Variants in CEP131 observed in about 807,000 individuals in gnomAD.
The protein encoded by CEP131 is centrosomal protein of 131 kDa.
CEP131 carries 99 observed loss-of-function variants against 136.8 expected under a neutral mutation model. The observed-to-expected ratio is 0.72, with a 90% confidence interval of 0.62 to 0.86. The LOEUF is 0.86. CEP131 is among the 40% of genes least tolerant of loss of function. CEP131 has a pLI of 0.00. For synonymous variants in CEP131, 646 were observed against 612.7 expected, an observed-to-expected ratio of 1.05 and a Z score of -0.80; for missense variants, 1,459 against 1,463.0, an observed-to-expected ratio of 1.00 and a Z score of 0.04.
At chr17:81,205,046 G>T (rs2061973537) in intron 5 of CEP131, among the ~76,000 whole-genome samples, 1 of 152,036 alleles carries the variant, frequency 6.6e-6, no homozygotes, top group Non-Finnish European at 1.5e-5. Flanking sequence ...GGATCACAAG[G>T]TTAGGGGTTC....
rs1020204752 is a variant in CEP131 at position 81,215,505 on chromosome 17, G to A, written c.177+4375C>T. On this transcript the variant is annotated intron_variant, in intron 2 of 25. Transcript: ENST00000450824. The surrounding 1 kb of genome is among the most constrained non-coding windows in gnomAD (Gnocchi z 4.1). ...TGGCTCACTGCAACCTCCAGCTTCC[G>A]GGTTAAATCAGTTCTCCTGCCTTAG... Among the ~76,000 whole-genome samples the A allele has an allele frequency of 1.1e-4, 17 of 152,016 alleles. No individual in the cohort carries two copies. Among genetic ancestry groups the A allele is most frequent in the African/African-American group, 3.1e-4 (13 of 41,386 alleles).
chr17:81,199,577 T>C (rs375788205), intron 9 of CEP131, 28 bp from the exon 10 acceptor site: 101 of 1,596,930 alleles, frequency 6.3e-5, no homozygotes, highest in Middle Eastern at 3.8e-4. Context: ...CTGAGCACTG[T>C]CCCTGGGAGA....
chr17:81,194,138 G>A lies in CEP131; in HGVS notation c.2120-11C>T. On this transcript the variant is annotated splice_polypyrimidine_tract_variant and intron_variant, in intron 17 of 25. Transcript: ENST00000450824. ...TCTCGGGCTCCAGACCTGGGGGCGGGGCACCAGCTAGGGCCACGTCCAGCT... is the reference window on the plus strand; with the variant it reads ...TCTCGGGCTCCAGACCTGGGGGCGGAGCACCAGCTAGGGCCACGTCCAGCT... The A allele has an allele frequency of 2.0e-6, 3 of 1,509,850 alleles. No individual in the cohort carries two copies. Among genetic ancestry groups the A allele is most frequent in the Non-Finnish European group, 2.7e-6 (3 of 1,130,262 alleles). The allele number at this position is 1,509,850 out of a possible 1,614,324, so 93.5% of individuals were successfully genotyped here.
rs1421272060 is a variant in CEP131, at chr17:81,219,318, G to A, written c.177+562C>T. Among the ~76,000 whole-genome samples the A allele has an allele frequency of 1.6e-5, 2 of 122,454 alleles. No homozygotes were observed. The highest frequency in any genetic ancestry group is 3.1e-5 in the African/African-American group (1 of 32,110). The allele number at this position is 122,454 out of a possible 152,430, so 80.3% of individuals were successfully genotyped here. ...TTTCTTTTTTTTTTTTTTTTGAGAT[G>A]GCATCTCACTCTGTCGCCAGGCTGG... On this transcript the variant is annotated intron_variant, in intron 2 of 25. Transcript: ENST00000450824. The surrounding 1 kb of genome is among the most constrained non-coding windows in gnomAD (Gnocchi z 4.0).
At position 81,189,607 on chromosome 17, in the gene CEP131, G is replaced by A. The variant is rs1056020991; in HGVS notation, c.*162C>T. The A allele has an allele frequency of 3.0e-5, 21 of 709,958 alleles. No individual in the cohort carries two copies. The South Asian group carries it at 3.2e-4, about 11-fold the overall frequency. 44.0% of individuals were successfully genotyped at this position (709,958 alleles called of 1,614,324 possible). On this transcript the variant is annotated 3_prime_UTR_variant, in exon 26 of 26. Coordinates refer to ENST00000450824, the MANE Select transcript of CEP131 (RefSeq NM_014984.4). ...AGTCACTCAAGGCGCTGAAAACAAC[G>A]GCCTCCTTTACTGTTAAAATGCAGC...
At chr17:81,199,186 G>A (rs1400781270) in intron 10 of CEP131, among the ~76,000 whole-genome samples, 195 bp downstream of exon 10, 4 of 152,108 alleles carry the variant, frequency 2.6e-5, no homozygotes, top group African/African-American at 4.8e-5. Flanking sequence ...GGATCCCTAC[G>A]TCCAGGACCA....
chr17:81,190,864 G>A, intron 23 of CEP131, 43 bp downstream of exon 23: 2 of 1,593,308 alleles, frequency 1.3e-6, no homozygotes, highest in Non-Finnish European at 1.7e-6. Flanking sequence ...ATGCAGGAGG[G>A]GCCTGTGGGT....
intron 2 of CEP131, among the ~76,000 whole-genome samples, chr17:81,218,095 T>C (rs1251659622): frequency 6.8e-6 from 1 of 147,778 alleles, no homozygotes; most frequent in Non-Finnish European, 1.5e-5. Flanking sequence ...CAGGCTGGAG[T>C]ACAGTGGCAT....
chr17:81,210,531 C>G (rs2062109337), intron 2 of CEP131, among the ~76,000 whole-genome samples: 1 of 151,966 alleles, frequency 6.6e-6, no homozygotes. Flanking sequence ...GATTGGGCCA[C>G]GGCACTCCAG....
chr17:81,202,290 G>A lies in CEP131; in HGVS notation c.738C>T (p.Gly246=). The A allele has an allele frequency of 1.9e-6, 3 of 1,611,992 alleles. No individual in the cohort carries two copies. The South Asian group carries it at 3.3e-5, about 18-fold the overall frequency. ...ATHSARNNTG[G]STGLPRRKEV... ...CCTTCCGCCTGGGCAAGCCCGTGCTGCCCCCAGTATTGTTCCGGGCTGAGT... is the reference window on the plus strand; with the variant it reads ...CCTTCCGCCTGGGCAAGCCCGTGCTACCCCCAGTATTGTTCCGGGCTGAGT... Residue 246 remains glycine (G), a synonymous_variant, in exon 7 of 26, where the codon GGC becomes GGT. Coordinates refer to ENST00000450824, the MANE Select transcript of CEP131 (RefSeq NM_014984.4).
intron 23 of CEP131, 48 bp from the exon 24 acceptor site, chr17:81,190,850 G>C: frequency 6.3e-7 from 1 of 1,591,166 alleles, no homozygotes; most frequent in Non-Finnish European, 8.6e-7. Context: ...GACTGGCTGC[G>C]TGCATGCAGG....
At position 81,219,837 on chromosome 17, in the gene CEP131, C is replaced by T. The variant is rs757863140; in HGVS notation, c.177+43G>A. 4.0e-6 allele frequency: 6 copies of T among 1,506,610 alleles called. No individual in the cohort carries two copies. Among genetic ancestry groups the T allele is most frequent in the Non-Finnish European group, 5.4e-6 (6 of 1,121,266 alleles). The allele number at this position is 1,506,610 out of a possible 1,614,324, so 93.3% of individuals were successfully genotyped here. ...GTCAGATGCCAACTGAACAACAGCC[C>T]TCCAGGAGGCAGGGGCCCGGACTCC... On this transcript the variant is annotated intron_variant, in intron 2 of 25. Coordinates refer to ENST00000450824, the MANE Select transcript of CEP131 (RefSeq NM_014984.4). The surrounding 1 kb of genome is among the most constrained non-coding windows in gnomAD (Gnocchi z 4.0).
chr17:81,213,174 T>C (rs2146700984), intron 2 of CEP131, among the ~76,000 whole-genome samples: 1 of 152,194 alleles, frequency 6.6e-6, no homozygotes, highest in East Asian at 1.9e-4. Flanking sequence ...GCTGTGACAA[T>C]GAGAGCAACA....
intron 16 of CEP131, among the ~76,000 whole-genome samples, chr17:81,195,622 GGCCCC>G (rs1420128835): frequency 1.3e-5 from 2 of 152,162 alleles, no homozygotes; most frequent in Non-Finnish European, 2.9e-5. Context: ...GCAGGCCCAC[GGCCCC>G]GCCCCAGAGC....
At chr17:81,207,574 T>A (rs1016981390) in intron 3 of CEP131, among the ~76,000 whole-genome samples, 1 of 151,258 alleles carries the variant, frequency 6.6e-6, no homozygotes, top group Non-Finnish European at 1.5e-5. Flanking sequence ...GGTCTCGAGC[T>A]CCTGGGCTCA....
chr17:81,191,139 CGCCTCAGCTCGTGG>C (rs2061631548), intron 22 of CEP131, 40 bp downstream of exon 22: 10 of 1,605,242 alleles, frequency 6.2e-6, no homozygotes, highest in Non-Finnish European at 7.7e-6. Flanking sequence ...CGGGTCCTTG[CGCCTCAGCTCGTGG>C]GCCTCCCCAG....
Position 81,192,390 on chromosome 17 carries a change from C to T in CEP131, c.2550G>A (p.Met850Ile). 1.2e-6 allele frequency: 2 copies of T among 1,608,178 alleles called. No homozygotes were observed. Among genetic ancestry groups the T allele is most frequent in the South Asian group, 1.1e-5 (1 of 90,188 alleles). ...GCTGCTGCTTCAGGGTATTCAGCTC[C>T]ATCTGGGGGGCGGACATAAGAGGCC... The part of the protein sequence containing the change: ...GREEQERRHQ[M>I]ELNTLKQQLE... The change falls in exon 21 of 26, where the codon ATG (methionine) becomes ATA (isoleucine). Residue 850 changes from methionine to isoleucine, a missense_variant and splice_region_variant. Transcript: ENST00000450824.
chr17:81,195,624 C>T (rs1228461971), intron 16 of CEP131, among the ~76,000 whole-genome samples: 1 of 152,014 alleles, frequency 6.6e-6, no homozygotes, highest in Admixed American at 6.5e-5. Flanking sequence ...AGGCCCACGG[C>T]CCCGCCCCAG....
intron 18 of CEP131, 75 bp from the exon 19 acceptor site, chr17:81,192,918 GC>G: frequency 1.3e-6 from 2 of 1,525,180 alleles, no homozygotes; most frequent in Admixed American, 3.9e-5. Flanking sequence ...AGGGGCACGG[GC>G]CGACCACAGG....
Sources: gnomAD v4.1 joint callset for allele counts (sites outside exome capture counted in the v4.1 genomes callset) on GRCh38, gnomAD v4.1.1 for gene constraint, Gnocchi (gnomAD v3.1) non-coding constraint, MANE v1.5 for transcripts, NCBI Gene and HGNC (gene_info 2026-07-23, HGNC 2026-07-21) for gene names.